SARNP: variants seen among roughly 807,000 people sequenced by gnomAD.
SARNP encodes SAP domain-containing ribonucleoprotein.
Under a neutral mutation model 38.1 loss-of-function variants are expected in SARNP, and 5 were observed. The ratio of observed to expected loss-of-function variants is 0.13; its 90% confidence interval spans 0.07 to 0.28. SARNP has a LOEUF of 0.28. Among genes scored for constraint, SARNP ranks in the 10% least tolerant of loss-of-function variants. SARNP has a pLI of 1.00. For missense variants in SARNP, 180 were observed against 243.9 expected (o/e 0.74, Z 1.75); for synonymous variants, 84 against 80.6 (o/e 1.04, Z -0.23).
chr12:55,806,338 G>A (rs933390103), intron 1 of SARNP, among the ~76,000 whole-genome samples: 7 of 150,510 alleles, frequency 4.7e-5, no homozygotes, highest in Non-Finnish European at 1.0e-4. Flanking sequence ...ACAGTGGCAT[G>A]ATCTCGGCTC....
At position 55,791,465 on chromosome 12, in the gene SARNP, C is replaced by T. The variant is rs147934762; in HGVS notation, c.407-873G>A. 3.2e-3 allele frequency among the ~76,000 whole-genome samples: 484 copies of T among 152,216 alleles called. 2 individuals carry two copies. Among genetic ancestry groups the T allele is most frequent in the African/African-American group, 0.011 (445 of 41,532 alleles). On this transcript the variant is annotated intron_variant, in intron 7 of 10. Transcript: ENST00000336133. ...ATCCCAGCACTTTTGGAGGCCAAGG[C>T]GGGTGGATCACCTGAGGTCAGGACT...
At chr12:55,780,481 G>A (rs1879312114) in intron 9 of SARNP, among the ~76,000 whole-genome samples, 1 of 151,104 alleles carries the variant, frequency 6.6e-6, no homozygotes, top group South Asian at 2.1e-4. Context: ...AAAGAGAAGA[G>A]AAGAGAAGAG....
intron 2 of SARNP, 44 bp downstream of exon 2, chr12:55,803,584 GA>G: frequency 8.4e-7 from 1 of 1,196,474 alleles, no homozygotes. Flanking sequence ...GTCAAAGCCT[GA>G]AAATCCCCTC....
At chr12:55,787,687 C>T (rs1879543064) in intron 9 of SARNP, among the ~76,000 whole-genome samples, 1 of 152,016 alleles carries the variant, frequency 6.6e-6, no homozygotes, top group Admixed American at 6.6e-5. Context: ...CTGCCCACCT[C>T]AGCCTCCCAA....
intron 4 of SARNP, among the ~76,000 whole-genome samples, chr12:55,798,262 C>T (rs572025774): frequency 3.3e-5 from 5 of 152,240 alleles, no homozygotes; most frequent in African/African-American, 1.2e-4. Context: ...TTTGGGAGGC[C>T]AAGGCAGGTG....
intron 9 of SARNP, among the ~76,000 whole-genome samples, chr12:55,762,358 T>C (rs1446637725): frequency 6.7e-6 from 1 of 149,862 alleles, no homozygotes; most frequent in African/African-American, 2.5e-5. Context: ...CAGGCTGGAG[T>C]GCAGTGGCAC....
In SARNP at chr12:55,813,094, C is replaced by T. The variant is rs376421655; in HGVS notation, c.36+4572G>A. 2.3e-4 allele frequency among the ~76,000 whole-genome samples: 35 copies of T among 152,082 alleles called. No homozygotes were observed. The East Asian group carries it at 5.6e-3, about 24-fold the overall frequency. On this transcript the variant is annotated intron_variant, in intron 1 of 10. Transcript: ENST00000336133. ...CCGAGTAGCTGGGATTACAAGTGCG[C>T]GCCACCAGGCCCAGCTACTTTTGGT...
intron 9 of SARNP, among the ~76,000 whole-genome samples, chr12:55,781,835 C>T (rs1370813179): frequency 6.6e-6 from 1 of 152,128 alleles, no homozygotes; most frequent in African/African-American, 2.4e-5. Context: ...GCCTTCCCCT[C>T]GGCCTTTCAA....
chr12:55,757,593 A>G, intron 10 of SARNP, 40 bp from the exon 11 acceptor site: 2 of 1,551,446 alleles, frequency 1.3e-6, no homozygotes, highest in Non-Finnish European at 1.8e-6. Context: ...TAGACTGAAG[A>G]CAATAGTTGC....
In SARNP at chr12:55,792,503, C is replaced by G. The variant is rs1005418115; in HGVS notation, c.406+1856G>C. 3.0e-4 allele frequency: 44 copies of G among 148,418 alleles called. 1 individual carries two copies. Among genetic ancestry groups the G allele is most frequent in the African/African-American group, 1.1e-3 (44 of 40,610 alleles). 9.2% of individuals were successfully genotyped at this position (148,418 alleles called of 1,614,324 possible). On this transcript the variant is annotated intron_variant, in intron 7 of 10. Transcript: ENST00000336133. ...TCTCCTGCCTCAGCCTCCCAAATAG[C>G]TGGAATTACAGGCGCGCAACACCAC...
intron 8 of SARNP, 123 bp from the exon 9 acceptor site, chr12:55,789,266 G>A (rs1292343245): frequency 1.6e-6 from 1 of 630,962 alleles, no homozygotes; most frequent in South Asian, 2.1e-5. Flanking sequence ...CACCCTATGA[G>A]CAAAATAAGA....
intron 9 of SARNP, among the ~76,000 whole-genome samples, chr12:55,777,364 C>G (rs756305312): frequency 1.3e-5 from 2 of 151,640 alleles, no homozygotes; most frequent in Non-Finnish European, 2.9e-5. Flanking sequence ...ATTTTAAAAA[C>G]TTTTCCTTTT....
chr12:55,768,947 C>T (rs1878927572), intron 9 of SARNP, among the ~76,000 whole-genome samples: 1 of 152,016 alleles, frequency 6.6e-6, no homozygotes, highest in Admixed American at 6.6e-5. Flanking sequence ...TGGTCTTGAA[C>T]CTCAAGTGAT....
chr12:55,754,254 T>C (rs1035163372), downstream of SARNP: 3 of 152,224 alleles, frequency 2.0e-5, no homozygotes, highest in East Asian at 1.9e-4. Context: ...GTTTCCTATA[T>C]TGAGAGAACA....
Position 55,795,059 on chromosome 12 carries a change from G to A in SARNP, c.304-179C>T, listed in dbSNP as rs751582100. On this transcript the variant is annotated intron_variant, in intron 5 of 10. Coordinates refer to ENST00000336133, the MANE Select transcript of SARNP (RefSeq NM_033082.4). ...ACTGCAACCTCAGCCTCCTGGGTTCGAGCGATTCTCGTGGCTCAGCCTCCT... is the reference window on the plus strand; with the variant it reads ...ACTGCAACCTCAGCCTCCTGGGTTCAAGCGATTCTCGTGGCTCAGCCTCCT... 4.6e-5 allele frequency among the ~76,000 whole-genome samples: 7 copies of A among 151,470 alleles called. No homozygotes were observed. In the East Asian group the frequency reaches 9.7e-4, roughly 21 times the overall value.
At chr12:55,814,005 C>T (rs920857763) in intron 1 of SARNP, among the ~76,000 whole-genome samples, 1 of 152,158 alleles carries the variant, frequency 6.6e-6, no homozygotes, top group Non-Finnish European at 1.5e-5. Flanking sequence ...ATGTAAATGG[C>T]TTCAAACAGT....
In SARNP at chr12:55,791,858, T is replaced by A. The variant is rs61956408; in HGVS notation, c.407-1266A>T. 9.4e-3 allele frequency among the ~76,000 whole-genome samples: 1,433 copies of A among 152,320 alleles called. 13 individuals carry two copies. The highest frequency in any genetic ancestry group is 0.031 in the Middle Eastern group (9 of 294). Reference sequence around the variant, plus strand: ...TGCTTGCTTTTAAATGTTCCCAAATTCCGTTATTTTTTAGAGTTACTCTAT... The same window carrying A: ...TGCTTGCTTTTAAATGTTCCCAAATACCGTTATTTTTTAGAGTTACTCTAT... On this transcript the variant is annotated intron_variant, in intron 7 of 10. Transcript: ENST00000336133.
downstream of SARNP, chr12:55,755,174 T>G (rs1365219903): frequency 6.6e-6 from 1 of 152,142 alleles, no homozygotes; most frequent in East Asian, 1.9e-4. Flanking sequence ...TATCCTCCCT[T>G]AAGTTCCTCC....
chr12:55,810,017 A>G (rs1026109547), intron 1 of SARNP, among the ~76,000 whole-genome samples: 4 of 152,238 alleles, frequency 2.6e-5, no homozygotes, highest in Non-Finnish European at 4.4e-5. Context: ...GTATCAATAA[A>G]GCATTCTCCA....
Sources: gnomAD v4.1 joint callset for allele counts (sites outside exome capture counted in the v4.1 genomes callset) on GRCh38, gnomAD v4.1.1 for gene constraint, MANE v1.5 for transcripts, NCBI Gene and HGNC (gene_info 2026-07-23, HGNC 2026-07-21) for gene names.